The following KDM2B variants were observed in gnomAD, a reference collection of about 807,000 sequenced individuals.
KDM2B encodes lysine-specific demethylase 2B.
A neutral mutation model predicts 150.0 loss-of-function variants in KDM2B; 26 were observed. The ratio of observed to expected loss-of-function variants is 0.17; its 90% CI spans 0.13 to 0.24. The LOEUF (loss-of-function observed/expected upper bound fraction) is 0.24, where lower values mean the gene tolerates loss of function less well. Ranked by LOEUF, KDM2B falls within the 10% of genes least tolerant of loss-of-function variation. The probability of loss-of-function intolerance (pLI) is 1.00; values close to 1 mark genes in which losing one functional copy is unlikely to be tolerated. For synonymous variants in KDM2B, 734 were observed against 729.5 expected, an observed-to-expected ratio of 1.01 and a Z score of -0.10; for missense variants, 1,265 against 1,816.9, an observed-to-expected ratio of 0.70 and a Z score of 5.52.
intron 19 of KDM2B, 132 bp from the exon 20 acceptor site, chr12:121,441,365 A>G (rs1875003026): frequency 3.8e-6 from 3 of 789,632 alleles, no homozygotes; most frequent in Admixed American, 2.8e-5. Context: ...ACCCTTCTCT[A>G]TGTAGCACCT....
intron 11 of KDM2B, among the ~76,000 whole-genome samples, chr12:121,508,582 G>A (rs1391407537): frequency 1.3e-5 from 2 of 152,128 alleles, no homozygotes; most frequent in African/African-American, 4.8e-5. Flanking sequence ...ACACCCAGAC[G>A]CCTCGGAGGC....
chr12:121,478,445 C>T (rs1045169794), intron 12 of KDM2B, among the ~76,000 whole-genome samples: 8 of 151,396 alleles, frequency 5.3e-5, no homozygotes, highest in African/African-American at 1.5e-4. Flanking sequence ...CTGCAACCTC[C>T]GCCTCCCAAG....
rs551111691 is a variant in KDM2B at position 121,554,457 on chromosome 12, T to A, written c.398-4819A>T. ...CTCTCTTTTGTCCCCCAGGCTGGAG[T>A]GCGATGGCGATGGCGCGATCTCGGC... is the stretch of plus-strand genomic sequence containing the variant. On this transcript the variant is annotated intron_variant, in intron 4 of 22. Transcript: ENST00000377071. Among the ~76,000 whole-genome samples the A allele has an allele frequency of 6.6e-5, 10 of 151,578 alleles. No individual in the cohort carries two copies. In the South Asian group the frequency reaches 2.1e-3, roughly 32 times the overall value.
At chr12:121,573,370 C>T (rs1555316293) in intron 4 of KDM2B, among the ~76,000 whole-genome samples, 1 of 151,782 alleles carries the variant, frequency 6.6e-6, no homozygotes, top group Non-Finnish European at 1.5e-5. Context: ...GCAGCCTCTG[C>T]CTCCTGGACT....
chr12:121,420,847 GT>G, the KDM2B span: 6 of 1,191,292 alleles, frequency 5.0e-6, no homozygotes, highest in South Asian at 7.7e-5. Flanking sequence ...GGTTGTTTTT[GT>G]CACAATTAAG....
intron 22 of KDM2B, among the ~76,000 whole-genome samples, chr12:121,439,442 G>A (rs1177687787): frequency 7.2e-6 from 1 of 138,070 alleles, no homozygotes; most frequent in African/African-American, 2.6e-5. Flanking sequence ...GTGCAGTGGC[G>A]CCATCTTGGC....
At chr12:121,504,830 T>A (rs945359907) in intron 11 of KDM2B, among the ~76,000 whole-genome samples, 1 of 151,894 alleles carries the variant, frequency 6.6e-6, no homozygotes, top group African/African-American at 2.4e-5. Flanking sequence ...AATATAAAAA[T>A]TAGCCACCGA....
Position 121,537,828 on chromosome 12 carries a change from A to G in KDM2B, c.684-3238T>C, listed in dbSNP as rs1555309003. On this transcript the variant is annotated intron_variant, in intron 6 of 22. Coordinates refer to ENST00000377071, the MANE Select transcript of KDM2B (RefSeq NM_032590.5). The surrounding 1 kb of genome is among the most constrained non-coding windows in gnomAD (Gnocchi z 8.7). Reference sequence around the variant, plus strand: ...AGCGGCTCCGCGACGCCGGCCCTGTAGCCCGCGGGCGGGAGGCCACCCACA... The same window carrying G: ...AGCGGCTCCGCGACGCCGGCCCTGTGGCCCGCGGGCGGGAGGCCACCCACA... Among the ~76,000 whole-genome samples the G allele has an allele frequency of 6.6e-6, 1 of 151,612 alleles. No individual in the cohort carries two copies. Among genetic ancestry groups the G allele is most frequent in the Admixed American group, 6.5e-5 (1 of 15,274 alleles).
intron 12 of KDM2B, among the ~76,000 whole-genome samples, chr12:121,493,352 T>C (rs1883569992): frequency 6.6e-6 from 1 of 152,090 alleles, no homozygotes; most frequent in Non-Finnish European, 1.5e-5. Flanking sequence ...GCATGCCTTA[T>C]CTCATTTAGT....
chr12:121,549,595 C>T lies in KDM2B; in HGVS notation c.441G>A (p.Lys147=). ...LVDVMDVNTQ[K]GTEMSMSQFV... ...ACTGGGACATGCTCATCTCCGTGCC[C>T]TTCTGGGTGTTCACATCCATCACGT... Residue 147 remains lysine (K), a synonymous_variant, in exon 5 of 23, where the codon AAG becomes AAA. Transcript: ENST00000377071. This position sits in a 1 kb window ranked among gnomAD's most constrained non-coding sequence, Gnocchi z 4.4. The T allele has an allele frequency of 6.2e-7, 1 of 1,608,346 alleles. No homozygotes were observed. The highest frequency in any genetic ancestry group is 8.5e-7 in the Non-Finnish European group (1 of 1,175,888).
chr12:121,438,979 C>T (rs1054803901), intron 22 of KDM2B, among the ~76,000 whole-genome samples: 1 of 152,192 alleles, frequency 6.6e-6, no homozygotes, highest in East Asian at 1.9e-4. Context: ...CTGTGTACCT[C>T]GCTGCATACT....
intron 8 of KDM2B, among the ~76,000 whole-genome samples, chr12:121,526,572 TA>T (rs36036206): frequency 6.6e-6 from 1 of 150,846 alleles, no homozygotes; most frequent in Admixed American, 6.6e-5. Context: ...TTTATTTGTT[TA>T]AAAAAAAATG....
intron 6 of KDM2B, chr12:121,536,050 T>C (rs1489404042): frequency 1.0e-5 from 10 of 984,446 alleles, no homozygotes; most frequent in African/African-American, 1.8e-5. Context: ...TGCCTTTCCA[T>C]GGTTTGGGGA....
downstream of KDM2B, among the ~76,000 whole-genome samples, chr12:121,424,718 AAAAAAAAG>A (rs1342863712): frequency 4.2e-5 from 6 of 142,114 alleles, no homozygotes; most frequent in East Asian, 2.0e-4. Context: ...CTCAAAAAAA[AAAAAAAAG>A]AAAAAAAAGA....
rs1276725749 is a variant in KDM2B at position 121,521,179 on chromosome 12, G to A, written c.932-79C>T. ...CACCTCACAAGGCTGCAGGGAGGGA[G>A]AGCGAGCGTGCAGGAGGGTGCAGGG... On this transcript the variant is annotated intron_variant, in intron 8 of 22. Transcript: ENST00000377071. This position sits in a 1 kb window ranked among gnomAD's most constrained non-coding sequence, Gnocchi z 4.9. 1.0e-6 allele frequency: 1 copy of A among 983,408 alleles called. No homozygotes were observed. The highest frequency in any genetic ancestry group is 1.6e-6 in the Non-Finnish European group (1 of 624,170). 60.9% of individuals were successfully genotyped at this position (983,408 alleles called of 1,614,324 possible).
chr12:121,442,445 T>C lies in KDM2B; in HGVS notation c.2996A>G (p.Lys999Arg), dbSNP rs782499207. The change falls in exon 19 of 23, where the codon AAG becomes AGG. Residue 999 changes from lysine (K) to arginine (R), a missense_variant. This residue lies in a region of KDM2B where 418 missense variants were observed against 402.4 expected (regional missense o/e 1.04). Coordinates refer to ENST00000377071, the MANE Select transcript of KDM2B (RefSeq NM_032590.5). The surrounding 1 kb of genome is among the most constrained non-coding windows in gnomAD (Gnocchi z 7.7). ...GICERPHRFS[K>R]GLNGTPRELR... The stretch of plus-strand genomic sequence containing the variant: ...CTCCCGGGGGGTGCCGTTGAGCCCC[T>C]TGCTGAAGCGGTGGGGACGCTCGCA... 5.6e-6 allele frequency: 9 copies of C among 1,599,886 alleles called. No homozygotes were observed. The East Asian group carries it at 1.8e-4, about 32-fold the overall frequency.
intron 11 of KDM2B, among the ~76,000 whole-genome samples, chr12:121,498,300 G>A (rs1430321266): frequency 6.6e-6 from 1 of 152,130 alleles, no homozygotes; most frequent in East Asian, 1.9e-4. Flanking sequence ...CTCTAGGATT[G>A]GGTAACAAAT....
At position 121,509,581 on chromosome 12, in the gene KDM2B, G is replaced by T; in HGVS notation, c.1633C>A (p.Leu545Met). 1.2e-6 allele frequency: 2 copies of T among 1,613,210 alleles called. No individual in the cohort carries two copies. The highest frequency in any genetic ancestry group is 1.7e-6 in the Non-Finnish European group (2 of 1,179,860). Residue 545 changes from leucine to methionine, a missense_variant, in exon 11 of 23, where the codon CTG becomes ATG. Leu to Met is a conservative substitution (Grantham distance 15). Coordinates refer to ENST00000377071, the MANE Select transcript of KDM2B (RefSeq NM_032590.5). ...PEGIEDPQAL[L>M]EGVKNVLKEH... ...CTCCTGCCCACCTTCACACCCTCCAGGAGTGCCTGGGGGTCCTCGATGCCC... is the reference window on the plus strand; with the variant it reads ...CTCCTGCCCACCTTCACACCCTCCATGAGTGCCTGGGGGTCCTCGATGCCC...
In KDM2B at chr12:121,578,726, C is replaced by A. The variant is rs1891707469; in HGVS notation, c.271+76G>T. ...GGGGACGCGGGCGCGAAATACGAACCCAGCCACCGGCAGCTCCCTCCCCAC... is the reference window on the plus strand; with the variant it reads ...GGGGACGCGGGCGCGAAATACGAACACAGCCACCGGCAGCTCCCTCCCCAC... On this transcript the variant is annotated intron_variant, in intron 2 of 22. Coordinates refer to ENST00000377071, the MANE Select transcript of KDM2B (RefSeq NM_032590.5). The A allele has an allele frequency of 8.5e-6, 10 of 1,171,562 alleles. No homozygotes were observed. In the South Asian group the frequency reaches 1.7e-4, roughly 20 times the overall value. The allele number at this position is 1,171,562 out of a possible 1,614,324, so 72.6% of individuals were successfully genotyped here.
Sources: gnomAD v4.1 joint callset for allele counts (sites outside exome capture counted in the v4.1 genomes callset) on GRCh38, gnomAD v4.1.1 for gene constraint, gnomAD v4.1.1 regional missense constraint, Gnocchi (gnomAD v3.1) non-coding constraint, MANE v1.5 for transcripts, NCBI Gene and HGNC (gene_info 2026-07-23, HGNC 2026-07-21) for gene names.